The following SMAD6 variants were observed in gnomAD, a reference collection of about 807,000 sequenced individuals.
The protein encoded by SMAD6 is MAD homolog 6.
In SMAD6, 103 loss-of-function variants were observed where a neutral mutation model predicts 39.4. That is an observed-to-expected ratio of 2.62 (90% CI 2.23 to 3.08). The LOEUF (loss-of-function observed/expected upper bound fraction) is 3.08. Ranked by LOEUF, SMAD6 falls within the 30% of genes most tolerant of loss-of-function variation. The probability of loss-of-function intolerance (pLI) is 0.00; values close to 1 mark genes in which losing one functional copy is unlikely to be tolerated. For missense variants in SMAD6, 1,104 were observed against 742.9 expected (o/e 1.49, Z -5.65); for synonymous variants, 445 against 353.3 (o/e 1.26, Z -2.91).
chr15:66,754,203 A>G (rs1228299212), intron 3 of SMAD6, among the ~76,000 whole-genome samples: 1 of 152,192 alleles, frequency 6.6e-6, no homozygotes, highest in East Asian at 1.9e-4. Flanking sequence ...TAAGTGGGCC[A>G]ACCTCTTGCT....
Position 66,703,746 on chromosome 15 carries a change from C to A in SMAD6, c.488C>A (p.Ser163Ter), listed in dbSNP as rs1466586758. Residue 163 changes from serine to a stop codon, truncating the protein, a stop_gained, in exon 1 of 4, where the codon TCG becomes TAG. Transcript: ENST00000288840. LOFTEE classifies it high-confidence loss of function. Reference protein sequence around the residue: ...AGGGRSREARSRLLLLEQELK... With the variant: ...AGGGRSREAR The stretch of plus-strand genomic sequence containing the variant: ...GGCGGGCGGAGTCGCGAAGCGCGCT[C>A]GCGGCTGCTGCTGCTGGAGCAGGAA... The A allele has an allele frequency of 1.4e-6, 2 of 1,384,980 alleles. No homozygotes were observed. Among genetic ancestry groups the A allele is most frequent in the Non-Finnish European group, 1.9e-6 (2 of 1,056,436 alleles). The allele number at this position is 1,384,980 out of a possible 1,614,324, so 85.8% of individuals were successfully genotyped here. A position where few individuals can be genotyped will look rare whatever the true frequency, so the allele number is the denominator to read the frequency against.
At chr15:66,759,280 A>G (rs1281144377) in intron 3 of SMAD6, among the ~76,000 whole-genome samples, 1 of 152,216 alleles carries the variant, frequency 6.6e-6, no homozygotes, top group East Asian at 1.9e-4. Context: ...ATCCCCAGAA[A>G]AGTGGGGCTT....
chr15:66,703,755 T>C lies in SMAD6; in HGVS notation c.497T>C (p.Leu166Pro), dbSNP rs2140581851. 10 of 1,401,916 alleles carry C rather than the reference T, an allele frequency of 7.1e-6. No homozygotes were observed. Among genetic ancestry groups the C allele is most frequent in the South Asian group, 5.9e-5 (4 of 67,358 alleles). The allele number at this position is 1,401,916 out of a possible 1,614,324, so 86.8% of individuals were successfully genotyped here. A position where few individuals can be genotyped will look rare whatever the true frequency, so the allele number is the denominator to read the frequency against. ...AGTCGCGAAGCGCGCTCGCGGCTGC[T>C]GCTGCTGGAGCAGGAACTCAAAACC... is the stretch of plus-strand genomic sequence containing the variant. ...GRSREARSRL[L>P]LLEQELKTVT... Residue 166 changes from leucine to proline, a missense_variant, in exon 1 of 4, where the codon CTG becomes CCG. Transcript: ENST00000288840.
rs1893032884 is a variant in SMAD6 at position 66,703,653 on chromosome 15, G to T, written c.395G>T (p.Arg132Leu). 1 of 1,232,258 alleles carries T rather than the reference G, an allele frequency of 8.1e-7. No homozygotes were observed. The highest frequency in any genetic ancestry group is 4.4e-5 in the Admixed American group (1 of 22,830). 76.3% of individuals were successfully genotyped at this position (1,232,258 alleles called of 1,614,324 possible). A position where few individuals can be genotyped will look rare whatever the true frequency, so the allele number is the denominator to read the frequency against. Residue 132 changes from arginine (R) to leucine (L), a missense_variant, in exon 1 of 4, where the codon CGG (arginine) becomes CTG (leucine). By Grantham distance (102) the Arg-to-Leu change is moderately radical. Transcript: ENST00000288840. Reference protein sequence around the residue: ...ETVTCCLFSERDAAGAPRDAS... With the variant: ...ETVTCCLFSELDAAGAPRDAS... Reference sequence around the variant, plus strand: ...GTGACCTGCTGTCTCTTTTCGGAGCGGGACGCCGCCGGCGCGCCCCGGGAC... The same window carrying T: ...GTGACCTGCTGTCTCTTTTCGGAGCTGGACGCCGCCGGCGCGCCCCGGGAC...
chr15:66,738,299 T>C (rs576025346), intron 3 of SMAD6, among the ~76,000 whole-genome samples: 1 of 152,192 alleles, frequency 6.6e-6, no homozygotes, highest in South Asian at 2.1e-4. Context: ...CGAGGGAGGA[T>C]GGTGAAGCAC....
intron 3 of SMAD6, among the ~76,000 whole-genome samples, chr15:66,719,160 C>T (rs1034217368): frequency 6.6e-6 from 1 of 152,172 alleles, no homozygotes; most frequent in African/African-American, 2.4e-5. Context: ...GGCCAACTGC[C>T]CATAATGTAA....
At chr15:66,757,536 A>G (rs897239911) in intron 3 of SMAD6, among the ~76,000 whole-genome samples, 2 of 152,214 alleles carry the variant, frequency 1.3e-5, no homozygotes, top group African/African-American at 2.4e-5. Context: ...GGTGTCCAGC[A>G]GGACCCTCAG....
At position 66,703,422 on chromosome 15, in the gene SMAD6, G is replaced by T; in HGVS notation, c.164G>T (p.Cys55Phe). 7.6e-7 allele frequency: 1 copy of T among 1,311,682 alleles called. No individual in the cohort carries two copies. Among genetic ancestry groups the T allele is most frequent in the South Asian group, 2.4e-5 (1 of 41,248 alleles). The allele number at this position is 1,311,682 out of a possible 1,614,324, so 81.3% of individuals were successfully genotyped here. The change falls in exon 1 of 4, where the codon TGC (cysteine) becomes TTC (phenylalanine). Residue 55 changes from cysteine to phenylalanine, a missense_variant. Cys to Phe is a radical substitution (Grantham distance 205). Coordinates refer to ENST00000288840, the MANE Select transcript of SMAD6 (RefSeq NM_005585.5). ...PAPRAREGGG[C>F]GRSEVRPVAP... ...CCGCGGGCAAGAGAGGGCGGAGGCTGCGGCCGCTCCGAAGTCCGCCCGGTA... is the reference window on the plus strand; with the variant it reads ...CCGCGGGCAAGAGAGGGCGGAGGCTTCGGCCGCTCCGAAGTCCGCCCGGTA...
At position 66,781,118 on chromosome 15, in the gene SMAD6, C is replaced by A. The variant is rs374240137; in HGVS notation, c.1074C>A (p.Tyr358Ter). The A allele has an allele frequency of 1.2e-6, 2 of 1,608,888 alleles. No individual in the cohort carries two copies. Among genetic ancestry groups the A allele is most frequent in the South Asian group, 1.1e-5 (1 of 91,006 alleles). The part of the protein sequence containing the change: ...AVYDQAVSIF[Y>*]DLPQGSGFCL... ...ACGACCAGGCCGTCAGCATCTTCTACGACCTACCTCAGGGCAGCGGCTTCT... is the reference window on the plus strand; with the variant it reads ...ACGACCAGGCCGTCAGCATCTTCTAAGACCTACCTCAGGGCAGCGGCTTCT... The change falls in exon 4 of 4, where the codon TAC becomes TAA. Residue 358 changes from tyrosine to a stop codon, truncating the protein, a stop_gained. Coordinates refer to ENST00000288840, the MANE Select transcript of SMAD6 (RefSeq NM_005585.5). LOFTEE classifies it high-confidence loss of function.
At chr15:66,764,331 A>G (rs564105079) in intron 3 of SMAD6, among the ~76,000 whole-genome samples, 30 of 151,866 alleles carry the variant, frequency 2.0e-4, no homozygotes, top group Non-Finnish European at 4.0e-4. Context: ...CTGCTTTCGG[A>G]ATTATTACAA....
At chr15:66,764,760 G>C (rs1170595237) in intron 3 of SMAD6, among the ~76,000 whole-genome samples, 1 of 152,110 alleles carries the variant, frequency 6.6e-6, no homozygotes, top group African/African-American at 2.4e-5. Flanking sequence ...ATGATAGGTT[G>C]CTGCCATCAT....
At chr15:66,761,705 CT>C (rs1260502555) in intron 3 of SMAD6, among the ~76,000 whole-genome samples, 1 of 152,180 alleles carries the variant, frequency 6.6e-6, no homozygotes, top group Non-Finnish European at 1.5e-5. Context: ...TTAGTTCCCT[CT>C]TCTGTAAAGG....
At chr15:66,724,037 T>C (rs1258195711) in intron 3 of SMAD6, among the ~76,000 whole-genome samples, 4 of 152,150 alleles carry the variant, frequency 2.6e-5, no homozygotes, top group Admixed American at 1.3e-4. Context: ...AGGAACAGCT[T>C]GTGCAAAAGC....
intron 3 of SMAD6, among the ~76,000 whole-genome samples, chr15:66,749,197 G>C (rs1284523176): frequency 6.6e-6 from 1 of 152,134 alleles, no homozygotes; most frequent in African/African-American, 2.4e-5. Context: ...CAGTGGCTCA[G>C]GCCTGTAATC....
intron 3 of SMAD6, among the ~76,000 whole-genome samples, chr15:66,751,229 G>C (rs921256790): frequency 2.0e-5 from 3 of 152,194 alleles, no homozygotes; most frequent in Non-Finnish European, 1.5e-5. Context: ...AGAGGGCTCA[G>C]ACCTGCAGGC....
intron 3 of SMAD6, among the ~76,000 whole-genome samples, chr15:66,742,022 C>T (rs1220871619): frequency 6.6e-6 from 1 of 152,208 alleles, no homozygotes; most frequent in African/African-American, 2.4e-5. Flanking sequence ...GCCCTGTTTC[C>T]CTGCAACTTT....
At position 66,781,391 on chromosome 15, in the gene SMAD6, GC is replaced by G; in HGVS notation, c.1350del (p.Glu451SerfsTer88). 1 of 1,601,768 alleles carries G rather than the reference GC, an allele frequency of 6.2e-7. No individual in the cohort carries two copies. Among genetic ancestry groups the G allele is most frequent in the Non-Finnish European group, 8.5e-7 (1 of 1,177,678 alleles). On this transcript the variant is annotated frameshift_variant, in exon 4 of 4. Coordinates refer to ENST00000288840, the MANE Select transcript of SMAD6 (RefSeq NM_005585.5). LOFTEE classifies it high-confidence loss of function. ...DFERSGLQHA[P>X]EPDAADGPYD... ...TCGAGCGCTCGGGCCTGCAGCACGC[GC>G]CCGAGCCCGACGCCGCCGACGGCCC...
intron 3 of SMAD6, among the ~76,000 whole-genome samples, chr15:66,753,612 C>G (rs187518803): frequency 2.6e-5 from 4 of 152,310 alleles, no homozygotes; most frequent in Admixed American, 2.6e-4. Flanking sequence ...TAGGAGTGAG[C>G]CTTGTGGCTC....
At position 66,781,088 on chromosome 15, in the gene SMAD6, G is replaced by T; in HGVS notation, c.1044G>T (p.Ala348=). ...EHRTRVGRLY[A]VYDQAVSIFY... ...GGACGCGCGTGGGCCGCCTCTATGC[G>T]GTGTACGACCAGGCCGTCAGCATCT... Residue 348 remains alanine (A), a synonymous_variant, in exon 4 of 4, where the codon GCG becomes GCT. Coordinates refer to ENST00000288840, the MANE Select transcript of SMAD6 (RefSeq NM_005585.5). 4 of 1,607,840 alleles carry T rather than the reference G, an allele frequency of 2.5e-6. No individual in the cohort carries two copies. Among genetic ancestry groups the T allele is most frequent in the Non-Finnish European group, 2.5e-6 (3 of 1,179,358 alleles).
Sources: gnomAD v4.1 joint callset for allele counts (sites outside exome capture counted in the v4.1 genomes callset) on GRCh38, gnomAD v4.1.1 for gene constraint, MANE v1.5 for transcripts, NCBI Gene and HGNC (gene_info 2026-07-23, HGNC 2026-07-21) for gene names.